Variants in SEMA4B observed in about 807,000 individuals in gnomAD.
SEMA4B encodes semaphorin-4B.
A neutral mutation model predicts 88.1 loss-of-function variants in SEMA4B; 55 were observed. That is an observed-to-expected ratio of 0.62 (90% CI 0.50 to 0.78). The LOEUF (loss-of-function observed/expected upper bound fraction) is 0.78, where lower values mean the gene tolerates loss of function less well. SEMA4B is among the 30% of genes least tolerant of loss of function. SEMA4B has a pLI of 0.00. For synonymous variants in SEMA4B, 525 were observed against 473.6 expected (o/e 1.11, Z -1.41); for missense variants, 1,062 against 1,111.9 (o/e 0.96, Z 0.64).
At chr15:90,217,897 C>A in intron 3 of SEMA4B, 68 bp downstream of exon 3, 1 of 1,393,088 alleles carries the variant, frequency 7.2e-7, no homozygotes, top group Non-Finnish European at 1.0e-6. Flanking sequence ...CCATCCAGGC[C>A]AGAGGCGGGA....
intron 1 of SEMA4B, 128 bp downstream of exon 1, chr15:90,201,863 C>A: frequency 1.1e-6 from 1 of 926,344 alleles, no homozygotes; most frequent in Non-Finnish European, 1.5e-6. Flanking sequence ...CCATTAGGAC[C>A]CCTTCTTTTT....
rs776885861 is a variant in SEMA4B, at chr15:90,195,924, C to CTTTTTTTTTTTT, written c.-121-5532_-121-5521dup. Among the ~76,000 whole-genome samples, 468 of 76,632 alleles carry CTTTTTTTTTTTT rather than the reference C, an allele frequency of 6.1e-3. 12 individuals are homozygous for CTTTTTTTTTTTT. Among genetic ancestry groups the CTTTTTTTTTTTT allele is most frequent in the African/African-American group, 0.019 (444 of 22,976 alleles). 50.3% of individuals were successfully genotyped at this position (76,632 alleles called of 152,430 possible). ...TGGGCCCAGCCTGTTTTGTACTTCT[C>CTTTTTTTTTTTT]TTTTTTTTTTTTTCGAGACGGAGTC... On this transcript the variant is annotated intron_variant, in intron 1 of 14. Coordinates refer to the SEMA4B transcript ENST00000332496.
chr15:90,219,645 C>G, intron 3 of SEMA4B, 148 bp from the exon 4 acceptor site: 1 of 616,734 alleles, frequency 1.6e-6, no homozygotes, highest in Non-Finnish European at 2.9e-6. Flanking sequence ...CCCAGAAAAC[C>G]CGTGGGTTCT....
chr15:90,224,026 G>A, intron 9 of SEMA4B, 38 bp downstream of exon 9: 1 of 1,581,586 alleles, frequency 6.3e-7, no homozygotes, highest in Non-Finnish European at 8.6e-7. Context: ...GGGGTGCCGG[G>A]AAGATGTGGG....
rs367700400 is a variant in SEMA4B, at chr15:90,208,596, A to G, written c.157+6861A>G. ...GCAAGGCAGCCCTCTCAGGACTGAG[A>G]ATTTGTTCGGGGTTGCACAGTGGGT... On this transcript the variant is annotated intron_variant, in intron 1 of 13. Transcript: ENST00000411539. Among the ~76,000 whole-genome samples, 8 of 152,212 alleles carry G rather than the reference A, an allele frequency of 5.3e-5. No homozygotes were observed. The East Asian group carries it at 1.5e-3, about 29-fold the overall frequency.
At position 90,225,881 on chromosome 15, in the gene SEMA4B, C is replaced by G. The variant is rs1415081331; in HGVS notation, c.1688+54C>G. ...CTGTCCAGCCCTGCACAGGTGACCT[C>G]GGAGCACCATCCTGGGCCCTCCTTG... On this transcript the variant is annotated intron_variant, in intron 12 of 13. Coordinates refer to ENST00000411539, the MANE Select transcript of SEMA4B (RefSeq NM_198925.4). 70 of 1,396,534 alleles carry G rather than the reference C, an allele frequency of 5.0e-5. No homozygotes were observed. In the East Asian group the frequency reaches 1.9e-3, roughly 37 times the overall value. 86.5% of individuals were successfully genotyped at this position (1,396,534 alleles called of 1,614,324 possible).
At chr15:90,211,693 C>T (rs531280937) in intron 1 of SEMA4B, among the ~76,000 whole-genome samples, 2 of 152,134 alleles carry the variant, frequency 1.3e-5, no homozygotes, top group Non-Finnish European at 2.9e-5. Context: ...GGTGACTTAT[C>T]GTGACATCCC....
At chr15:90,191,353 G>A (rs2151583696) in intron 1 of SEMA4B, among the ~76,000 whole-genome samples, 1 of 152,340 alleles carries the variant, frequency 6.6e-6, no homozygotes, top group African/African-American at 2.4e-5. Context: ...CCCAGAAGGG[G>A]GTCCTCAGAG....
intron 3 of SEMA4B, 157 bp from the exon 4 acceptor site, chr15:90,219,636 C>A: frequency 1.6e-6 from 1 of 608,162 alleles, no homozygotes. Flanking sequence ...CCACTGTGCC[C>A]CAGAAAACCC....
At chr15:90,225,456 C>G (rs905586637) in intron 11 of SEMA4B, 59 bp downstream of exon 11, 15 of 1,445,698 alleles carry the variant, frequency 1.0e-5, no homozygotes, top group Non-Finnish European at 1.4e-5. Context: ...CCATTAGCAC[C>G]AAGCAGTCCC....
intron 1 of SEMA4B, among the ~76,000 whole-genome samples, chr15:90,204,427 A>C (rs535085267): frequency 1.1e-4 from 16 of 152,298 alleles, no homozygotes; most frequent in Admixed American, 7.2e-4. Flanking sequence ...TTGTTGATGA[A>C]CAGCACATTC....
intron 1 of SEMA4B, chr15:90,217,232 A>C (rs1156769532): frequency 1.9e-6 from 1 of 534,430 alleles, no homozygotes; most frequent in Non-Finnish European, 3.3e-6. Context: ...TTGTACATAC[A>C]TCTCTGCATC....
At position 90,212,485 on chromosome 15, in the gene SEMA4B, G is replaced by T. The variant is rs188932725; in HGVS notation, c.158-4954G>T. On this transcript the variant is annotated intron_variant, in intron 1 of 13. Coordinates refer to ENST00000411539, the MANE Select transcript of SEMA4B (RefSeq NM_198925.4). This position sits in a 1 kb window ranked among gnomAD's most constrained non-coding sequence, Gnocchi z 4.0. ...GCACAGGCAGCCCAGGAGAGCGAGC[G>T]AGACACTCTTTGACACAAGGGAGAG... Among the ~76,000 whole-genome samples, 1 of 152,138 alleles carries T rather than the reference G, an allele frequency of 6.6e-6. No homozygotes were observed. The highest frequency in any genetic ancestry group is 1.5e-5 in the Non-Finnish European group (1 of 68,006).
chr15:90,229,332 AG>A lies in SEMA4B; in HGVS notation c.*691del, dbSNP rs1410605786. The A allele has an allele frequency of 1.8e-5, 8 of 456,786 alleles. No homozygotes were observed. Among genetic ancestry groups the A allele is most frequent in the African/African-American group, 1.6e-4 (8 of 50,084 alleles). The allele number at this position is 456,786 out of a possible 1,614,324, so 28.3% of individuals were successfully genotyped here. A position where few individuals can be genotyped will look rare whatever the true frequency, so the allele number is the denominator to read the frequency against. On this transcript the variant is annotated 3_prime_UTR_variant, in exon 14 of 14. Coordinates refer to ENST00000411539, the MANE Select transcript of SEMA4B (RefSeq NM_198925.4). Reference sequence around the variant, plus strand: ...CCACACGAGAGGACAGCGCGAGCTCAGGAGAGATTTCGTGACAATGTACGCC... The same window carrying A: ...CCACACGAGAGGACAGCGCGAGCTCAGAGAGATTTCGTGACAATGTACGCC...
At position 90,225,329 on chromosome 15, in the gene SEMA4B, A is replaced by C. The variant is rs1962102551; in HGVS notation, c.1453A>C (p.Ile485Leu). 1 of 1,558,546 alleles carries C rather than the reference A, an allele frequency of 6.4e-7. No homozygotes were observed. The highest frequency in any genetic ancestry group is 2.1e-4 in the Middle Eastern group (1 of 4,762). The change falls in exon 11 of 14, where the codon ATC (isoleucine) becomes CTC (leucine). Residue 485 changes from isoleucine to leucine, a missense_variant. Coordinates refer to ENST00000411539, the MANE Select transcript of SEMA4B (RefSeq NM_198925.4). The part of the protein sequence containing the change: ...KAVSVGPRVH[I>L]IEELQIFSSG... ...AGTGAGCGTGGGCCCCCGGGTGCAC[A>C]TCATTGAGGAGCTGCAGATCTTCTC...
intron 1 of SEMA4B, chr15:90,207,082 G>A (rs1961029140): frequency 3.1e-5 from 10 of 317,804 alleles, no homozygotes; most frequent in South Asian, 3.0e-4. Context: ...GAACACTAAG[G>A]GGTGGCTCCT....
intron 5 of SEMA4B, 56 bp from the exon 6 acceptor site, chr15:90,221,311 C>G (rs1203298081): frequency 2.8e-6 from 4 of 1,420,578 alleles, no homozygotes; most frequent in Non-Finnish European, 3.9e-6. Context: ...GGGCCCTGAG[C>G]AGGGAGAAGG....
intron 1 of SEMA4B, among the ~76,000 whole-genome samples, chr15:90,209,439 C>T (rs902941558): frequency 6.6e-6 from 1 of 151,938 alleles, no homozygotes; most frequent in Non-Finnish European, 1.5e-5. Context: ...ATGGCGGGTG[C>T]CTGTAATTCC....
In SEMA4B at chr15:90,217,467, C is replaced by G. The variant is rs377508643; in HGVS notation, c.186C>G (p.Phe62Leu). 1.9e-5 allele frequency: 30 copies of G among 1,613,648 alleles called. No individual in the cohort carries two copies. Among genetic ancestry groups the G allele is most frequent in the Non-Finnish European group, 2.5e-5 (30 of 1,179,766 alleles). Residue 62 changes from phenylalanine (F) to leucine (L), a missense_variant, in exon 2 of 14, where the codon TTC (phenylalanine) becomes TTG (leucine). Physicochemically the swap from Phe to Leu is conservative, Grantham distance 22. Coordinates refer to ENST00000411539, the MANE Select transcript of SEMA4B (RefSeq NM_198925.4). ...LGSEERPFLR[F>L]EAEHISNYTA... is the part of the protein sequence containing the mutation. ...CTGAAGAGCGGCCATTCCTCAGATT[C>G]GAAGCTGAACACATCTCCAACTACA...
Sources: allele counts gnomAD v4.1 joint callset (sites outside exome capture counted in the v4.1 genomes callset), GRCh38; gene constraint gnomAD v4.1.1; non-coding constraint Gnocchi (gnomAD v3.1); transcripts MANE v1.5; gene names NCBI Gene and HGNC (gene_info 2026-07-23, HGNC 2026-07-21).